The following NRF1 variants were observed in gnomAD, a reference collection of about 807,000 sequenced individuals.
NRF1 encodes alpha palindromic-binding protein.
In NRF1, 5 loss-of-function variants were observed where a neutral mutation model predicts 58.5. The observed-to-expected ratio is 0.09, with a 90% CI of 0.04 to 0.18. The LOEUF (loss-of-function observed/expected upper bound fraction) is 0.18, where lower values mean the gene tolerates loss of function less well. NRF1 is among the 10% of genes least tolerant of loss of function. The probability of loss-of-function intolerance (pLI) is 1.00; values close to 1 mark genes in which losing one functional copy is unlikely to be tolerated. For missense variants in NRF1, 288 were observed against 657.7 expected, an observed-to-expected ratio of 0.44 and a Z score of 6.15; for synonymous variants, 224 against 246.7, an observed-to-expected ratio of 0.91 and a Z score of 0.86.
At position 129,619,488 on chromosome 7, in the gene NRF1, G is replaced by GTA. The variant is rs1346163996; in HGVS notation, c.-7+7665_-7+7666insAT. Among the ~76,000 whole-genome samples, 125 of 40,602 alleles carry GTA rather than the reference G, an allele frequency of 3.1e-3. 1 individual carries two copies. Among genetic ancestry groups the GTA allele is most frequent in the East Asian group, 5.0e-3 (6 of 1,202 alleles). 26.6% of individuals were successfully genotyped at this position (40,602 alleles called of 152,430 possible). ...TGTGTGTGTGTGTGTGTGTGTGTGT[G>GTA]TGTATATATATATATATATATATAT... On this transcript the variant is annotated intron_variant, in intron 1 of 10. Transcript: ENST00000393232.
At chr7:129,678,878 T>C (rs1031744360) in intron 4 of NRF1, among the ~76,000 whole-genome samples, 1 of 152,162 alleles carries the variant, frequency 6.6e-6, no homozygotes, top group African/African-American at 2.4e-5. Flanking sequence ...TTTGGGAAAC[T>C]GTTGGAGTCC....
chr7:129,727,228 C>G lies in NRF1; in HGVS notation c.1224-13C>G, dbSNP rs372270719. 2.5e-6 allele frequency: 4 copies of G among 1,585,958 alleles called. No individual in the cohort carries two copies. The highest frequency in any genetic ancestry group is 2.7e-5 in the African/African-American group (2 of 72,862). On this transcript the variant is annotated splice_polypyrimidine_tract_variant and intron_variant, in intron 9 of 10. Coordinates refer to ENST00000393232, the MANE Select transcript of NRF1 (RefSeq NM_005011.5). Reference sequence around the variant, plus strand: ...TCTATTCATCATCCTCTCTCCTGTTCCTGTGCCCGCAGCGAAGCTGCCGCC... The same window carrying G: ...TCTATTCATCATCCTCTCTCCTGTTGCTGTGCCCGCAGCGAAGCTGCCGCC...
intron 10 of NRF1, among the ~76,000 whole-genome samples, chr7:129,742,467 A>T (rs1803872120): frequency 6.6e-6 from 1 of 151,938 alleles, no homozygotes; most frequent in African/African-American, 2.4e-5. Flanking sequence ...TCCTCTCCTT[A>T]TTCCCGTAGC....
chr7:129,624,267 A>G (rs1300308183), intron 1 of NRF1, among the ~76,000 whole-genome samples: 2 of 152,052 alleles, frequency 1.3e-5, no homozygotes, highest in African/African-American at 4.8e-5. Context: ...GGTCATATAT[A>G]TATAATTTTA....
At chr7:129,699,975 TA>T (rs11426755) in intron 5 of NRF1, among the ~76,000 whole-genome samples, 28 of 142,972 alleles carry the variant, frequency 2.0e-4, no homozygotes, top group Admixed American at 2.8e-4. Flanking sequence ...CCGTCTCCAC[TA>T]AAAAAAAAAA....
intron 1 of NRF1, among the ~76,000 whole-genome samples, chr7:129,647,493 C>A (rs1462263544): frequency 1.3e-5 from 2 of 151,128 alleles, no homozygotes; most frequent in African/African-American, 4.9e-5. Flanking sequence ...ACCTCCGACT[C>A]CCAGGTTTAA....
chr7:129,717,227 A>C lies in NRF1; in HGVS notation c.1074A>C (p.Gln358His), dbSNP rs779076542. The C allele has an allele frequency of 1.1e-5, 17 of 1,605,650 alleles. No individual in the cohort carries two copies. Among genetic ancestry groups the C allele is most frequent in the Admixed American group, 1.0e-4 (6 of 58,016 alleles). ...TGTCCTTTCTGCCTCAGGTGGAACAAAATTGGGCCACGTTACAGGGAGGTG... is the reference window on the plus strand; with the variant it reads ...TGTCCTTTCTGCCTCAGGTGGAACACAATTGGGCCACGTTACAGGGAGGTG... Reference protein sequence around the residue: ...YSAVADGEVEQNWATLQGGEM... With the variant: ...YSAVADGEVEHNWATLQGGEM... Residue 358 changes from glutamine (Q) to histidine (H), a missense_variant, in exon 9 of 11, where the codon CAA becomes CAC. Transcript: ENST00000393232.
chr7:129,678,117 T>C (rs1415727269), intron 4 of NRF1, among the ~76,000 whole-genome samples: 1 of 152,200 alleles, frequency 6.6e-6, no homozygotes, highest in African/African-American at 2.4e-5. Context: ...GTCAACTTCC[T>C]GAGGGAAACC....
At chr7:129,703,141 G>C (rs942410194) in intron 5 of NRF1, among the ~76,000 whole-genome samples, 1 of 152,184 alleles carries the variant, frequency 6.6e-6, no homozygotes, top group African/African-American at 2.4e-5. Context: ...GCATGAATTT[G>C]ATATCCTTAT....
At chr7:129,731,586 G>C (rs946523273) in intron 10 of NRF1, among the ~76,000 whole-genome samples, 3 of 151,524 alleles carry the variant, frequency 2.0e-5, no homozygotes, top group Admixed American at 1.3e-4. Context: ...GCTGGTGAAG[G>C]CTACCAGATT....
intron 10 of NRF1, among the ~76,000 whole-genome samples, chr7:129,740,807 G>A (rs10267039): frequency 2.0e-5 from 3 of 151,940 alleles, no homozygotes; most frequent in South Asian, 4.1e-4. Context: ...GGCATTCATC[G>A]TTTATATGCC....
rs922784159 is a variant in NRF1, at chr7:129,741,393, A to G, written c.1349-13625A>G. Among the ~76,000 whole-genome samples, 3 of 152,132 alleles carry G rather than the reference A, an allele frequency of 2.0e-5. No individual in the cohort carries two copies. Among genetic ancestry groups the G allele is most frequent in the African/African-American group, 7.2e-5 (3 of 41,430 alleles). On this transcript the variant is annotated intron_variant, in intron 10 of 10. Transcript: ENST00000393232. This position sits in a 1 kb window ranked among gnomAD's most constrained non-coding sequence, Gnocchi z 4.0. ...AGATCTTTCGGAGTCTTTGTATGTAAAGGCAGATTTTGGTCTTAGATTATT... is the reference window on the plus strand; with the variant it reads ...AGATCTTTCGGAGTCTTTGTATGTAGAGGCAGATTTTGGTCTTAGATTATT...
intron 10 of NRF1, among the ~76,000 whole-genome samples, chr7:129,749,779 A>G (rs1165739185): frequency 6.6e-6 from 1 of 151,780 alleles, no homozygotes; most frequent in African/African-American, 2.4e-5. Flanking sequence ...CCATCAACTC[A>G]GTCATTTGGG....
chr7:129,636,958 C>G (rs2151065113), intron 1 of NRF1, among the ~76,000 whole-genome samples: 1 of 152,228 alleles, frequency 6.6e-6, no homozygotes, highest in Non-Finnish European at 1.5e-5. Flanking sequence ...ATTTGAAAAG[C>G]TTGCAGGCCC....
At chr7:129,641,867 G>A (rs1298807501) in intron 1 of NRF1, 1 of 151,332 alleles carries the variant, frequency 6.6e-6, no homozygotes, top group Non-Finnish European at 1.5e-5. Flanking sequence ...TTTTAGTAGA[G>A]ATGGAGTTTC....
intron 1 of NRF1, among the ~76,000 whole-genome samples, chr7:129,614,804 A>G (rs1186182584): frequency 6.6e-6 from 1 of 152,186 alleles, no homozygotes; most frequent in Non-Finnish European, 1.5e-5. Context: ...TTATTAAACG[A>G]TAATTATGCA....
At chr7:129,637,301 A>AG (rs1801188508) in intron 1 of NRF1, among the ~76,000 whole-genome samples, 1 of 152,054 alleles carries the variant, frequency 6.6e-6, no homozygotes, top group South Asian at 2.1e-4. Context: ...CCTGCAAAAA[A>AG]GCAAGGAAGA....
intron 10 of NRF1, among the ~76,000 whole-genome samples, chr7:129,753,543 A>C (rs921910664): frequency 6.6e-6 from 1 of 152,130 alleles, no homozygotes; most frequent in African/African-American, 2.4e-5. Flanking sequence ...CTGTAATTCT[A>C]GTTTCAGAAG....
chr7:129,754,121 T>C (rs1175918399), intron 10 of NRF1, among the ~76,000 whole-genome samples: 1 of 152,082 alleles, frequency 6.6e-6, no homozygotes, highest in African/African-American at 2.4e-5. Flanking sequence ...CTAAGGCATG[T>C]TTCCACAATT....
Sources: allele counts gnomAD v4.1 joint callset (sites outside exome capture counted in the v4.1 genomes callset), GRCh38; gene constraint gnomAD v4.1.1; non-coding constraint Gnocchi (gnomAD v3.1); transcripts MANE v1.5; gene names NCBI Gene and HGNC (gene_info 2026-07-23, HGNC 2026-07-21).